Variants in SYN2 observed in about 807,000 individuals in gnomAD.
SYN2 encodes synapsin II.
SYN2 carries 19 observed loss-of-function variants against 50.9 expected under a neutral mutation model. The observed-to-expected ratio is 0.37, with a 90% confidence interval of 0.26 to 0.55. SYN2 has a LOEUF of 0.55. SYN2 is among the 20% of genes least tolerant of loss of function. SYN2 has a pLI of 0.81. For synonymous variants in SYN2, 255 were observed against 224.9 expected, an observed-to-expected ratio of 1.13 and a Z score of -1.20; for missense variants, 587 against 576.4, an observed-to-expected ratio of 1.02 and a Z score of -0.19.
At position 12,187,613 on chromosome 3, in the gene SYN2, G is replaced by C; in HGVS notation, c.1613+1G>C. 6.5e-7 allele frequency: 1 copy of C among 1,541,400 alleles called. No homozygotes were observed. The highest frequency in any genetic ancestry group is 8.8e-7 in the Non-Finnish European group (1 of 1,138,522). ...AGCCCCAGCCTCACCCACAGCTCAA[G>C]TAAGAGACAACTCAGCAGCTCCTCC... On this transcript the variant is annotated splice_donor_variant, in intron 12 of 12. Transcript: ENST00000621198. LOFTEE classifies it high-confidence loss of function.
chr3:12,095,607 G>T (rs1245789264), intron 1 of SYN2, among the ~76,000 whole-genome samples: 2 of 136,282 alleles, frequency 1.5e-5, no homozygotes, highest in African/African-American at 2.8e-5. Context: ...AGATTTGGTG[G>T]GTATTTCTCT....
intron 11 of SYN2, chr3:12,183,930 G>A (rs898738791): frequency 2.3e-5 from 23 of 991,030 alleles, no homozygotes; most frequent in African/African-American, 3.5e-5. Flanking sequence ...TGTGCTTTTC[G>A]CTTTCTTTCT....
intron 1 of SYN2, among the ~76,000 whole-genome samples, chr3:12,053,352 C>T (rs531641428): frequency 1.3e-5 from 2 of 150,656 alleles, no homozygotes; most frequent in African/African-American, 2.4e-5. Context: ...ACCTGGGAGG[C>T]GGAGGTTGCA....
chr3:12,180,805 G>A (rs933083555), intron 10 of SYN2, among the ~76,000 whole-genome samples: 10 of 152,176 alleles, frequency 6.6e-5, no homozygotes, highest in African/African-American at 2.4e-4. Flanking sequence ...TTCATCCGTG[G>A]GTGTCTTACA....
rs1696378147 is a variant in SYN2, at chr3:12,113,960, T to C, written c.378-26691T>C. Among the ~76,000 whole-genome samples the C allele has an allele frequency of 2.6e-5, 4 of 152,194 alleles. No individual in the cohort carries two copies. The South Asian group carries it at 8.3e-4, about 31-fold the overall frequency. ...CCTGTTTTCAGTTCCCAGAATGGAA[T>C]TGTTGGATCATGGTAACTCTATGTT... On this transcript the variant is annotated intron_variant, in intron 1 of 12. Coordinates refer to ENST00000621198, the MANE Select transcript of SYN2 (RefSeq NM_133625.6).
chr3:12,022,329 C>T (rs1694159165), intron 1 of SYN2, among the ~76,000 whole-genome samples: 1 of 152,146 alleles, frequency 6.6e-6, no homozygotes, highest in Non-Finnish European at 1.5e-5. Context: ...AAAGTTTCAC[C>T]ATTTAAGTTT....
chr3:12,105,744 T>A (rs1376947738), intron 1 of SYN2, among the ~76,000 whole-genome samples: 3 of 151,996 alleles, frequency 2.0e-5, no homozygotes, highest in Non-Finnish European at 1.5e-5. Context: ...CCCTCTCAAT[T>A]CACGGCAAGG....
At chr3:12,178,419 G>A (rs1303003521) in intron 10 of SYN2, among the ~76,000 whole-genome samples, 2 of 152,202 alleles carry the variant, frequency 1.3e-5, no homozygotes, top group Non-Finnish European at 2.9e-5. Flanking sequence ...GAAAGCCACA[G>A]GATGGCATTT....
intron 1 of SYN2, 78 bp from the exon 2 acceptor site, chr3:12,140,573 C>T (rs1273384226): frequency 4.2e-6 from 3 of 717,264 alleles, no homozygotes; most frequent in Non-Finnish European, 7.8e-6. Flanking sequence ...TGCTGTGGTC[C>T]TCTTCTTTGT....
chr3:12,056,026 A>G (rs1694980934), intron 1 of SYN2, among the ~76,000 whole-genome samples: 1 of 152,202 alleles, frequency 6.6e-6, no homozygotes, highest in Admixed American at 6.5e-5. Flanking sequence ...TGAGAGTGTA[A>G]TCAGCAAAAC....
At chr3:12,159,135 T>C (rs562827937) in intron 5 of SYN2, 1 of 402,502 alleles carries the variant, frequency 2.5e-6, no homozygotes, top group Non-Finnish European at 4.4e-6. Flanking sequence ...GGGGAAGCAC[T>C]GGGAGAGGGG....
At chr3:12,163,176 A>G (rs1281288829) in intron 7 of SYN2, among the ~76,000 whole-genome samples, 1 of 148,130 alleles carries the variant, frequency 6.8e-6, no homozygotes, top group Non-Finnish European at 1.5e-5. Context: ...CGGAAGGCAG[A>G]GCTTGCAATG....
At chr3:12,016,035 A>C (rs1694022644) in intron 1 of SYN2, among the ~76,000 whole-genome samples, 1 of 152,204 alleles carries the variant, frequency 6.6e-6, no homozygotes, top group African/African-American at 2.4e-5. Flanking sequence ...TCTATCATGG[A>C]CTGAATCTTT....
At chr3:12,056,854 A>T (rs1469289415) in intron 1 of SYN2, among the ~76,000 whole-genome samples, 1 of 152,206 alleles carries the variant, frequency 6.6e-6, no homozygotes, top group African/African-American at 2.4e-5. Context: ...CCTCCTAAAA[A>T]GTTGTGTCCT....
intron 1 of SYN2, among the ~76,000 whole-genome samples, chr3:12,072,591 A>G (rs1695381336): frequency 6.6e-6 from 1 of 152,120 alleles, no homozygotes; most frequent in African/African-American, 2.4e-5. Flanking sequence ...TTTTTTCTCC[A>G]TTGACTTGTC....
chr3:12,167,355 C>T (rs1380674509), intron 8 of SYN2, 47 bp downstream of exon 8: 3 of 1,559,672 alleles, frequency 1.9e-6, no homozygotes, highest in South Asian at 2.3e-5. Context: ...GAGAGGGAGG[C>T]TTCCTTAGAT....
intron 1 of SYN2, among the ~76,000 whole-genome samples, chr3:12,102,549 C>G (rs1240499513): frequency 5.3e-5 from 8 of 152,072 alleles, no homozygotes; most frequent in Admixed American, 5.2e-4. Context: ...TTGATTGCCC[C>G]CAACTAAAGC....
At chr3:12,177,994 G>A (rs960863464) in intron 10 of SYN2, among the ~76,000 whole-genome samples, 3 of 152,228 alleles carry the variant, frequency 2.0e-5, no homozygotes, top group Non-Finnish European at 4.4e-5. Flanking sequence ...TTTGGAGGAA[G>A]GAAGGTGGGC....
At chr3:12,173,464 C>G (rs993307557) in intron 10 of SYN2, among the ~76,000 whole-genome samples, 2 of 152,228 alleles carry the variant, frequency 1.3e-5, no homozygotes, top group South Asian at 2.1e-4. Flanking sequence ...TTTTTGTTTT[C>G]AAGTATCTGC....
Sources: allele counts gnomAD v4.1 joint callset (sites outside exome capture counted in the v4.1 genomes callset), GRCh38; gene constraint gnomAD v4.1.1; transcripts MANE v1.5; gene names NCBI Gene and HGNC (gene_info 2026-07-23, HGNC 2026-07-21).